The following FNBP1 variants were observed in gnomAD, a reference collection of about 807,000 sequenced individuals.
FNBP1 encodes formin binding protein 1.
FNBP1 carries 26 observed loss-of-function variants against 90.6 expected under a neutral mutation model. The ratio of observed to expected loss-of-function variants is 0.29; its 90% confidence interval spans 0.21 to 0.40. The LOEUF is 0.40. Among genes scored for constraint, FNBP1 ranks in the 10% least tolerant of loss-of-function variants. The pLI, the probability that FNBP1 is intolerant of heterozygous loss-of-function variation, is 1.00. For missense variants in FNBP1, 635 were observed against 768.0 expected (o/e 0.83, Z 2.05); for synonymous variants, 260 against 265.2 (o/e 0.98, Z 0.19).
At chr9:130,051,535 T>C in the FNBP1 span, among the ~76,000 whole-genome samples, 1 of 152,088 alleles carries the variant, frequency 6.6e-6, no homozygotes, top group Admixed American at 6.6e-5. Context: ...GAGAAAATAG[T>C]CCAGGCAGGG....
chr9:129,945,098 T>C (rs995022081), intron 6 of FNBP1, among the ~76,000 whole-genome samples: 2 of 152,176 alleles, frequency 1.3e-5, no homozygotes, highest in African/African-American at 2.4e-5. Flanking sequence ...CATTAACTTA[T>C]AGGCTTGTTA....
rs1280655320 is a variant in FNBP1 at position 129,892,448 on chromosome 9, C to T, written c.1847-1902G>A. Among the ~76,000 whole-genome samples, 3 of 145,182 alleles carry T rather than the reference C, an allele frequency of 2.1e-5. No individual in the cohort carries two copies. In the East Asian group the frequency reaches 6.5e-4, roughly 31 times the overall value. On this transcript the variant is annotated intron_variant, in intron 16 of 16. Coordinates refer to ENST00000446176, the MANE Select transcript of FNBP1 (RefSeq NM_015033.3). ...GTTGACCGGCATTATAAAAATAAAA[C>T]AGCTGCACTGAGTTATGGGCCTAAG...
At chr9:129,903,782 C>T (rs567351094) in intron 12 of FNBP1, among the ~76,000 whole-genome samples, 3 of 152,230 alleles carry the variant, frequency 2.0e-5, no homozygotes, top group Non-Finnish European at 2.9e-5. Flanking sequence ...CCACCTGCCT[C>T]GGCCTCCCAA....
chr9:129,980,283 C>A (rs1229510510), intron 2 of FNBP1, among the ~76,000 whole-genome samples: 3 of 151,022 alleles, frequency 2.0e-5, no homozygotes, highest in Non-Finnish European at 4.4e-5. Context: ...TCGCTTGAAC[C>A]CGGGAGGAGG....
the FNBP1 span, among the ~76,000 whole-genome samples, chr9:130,048,777 C>T: frequency 2.4e-5 from 3 of 126,312 alleles, no homozygotes; most frequent in Admixed American, 2.4e-4. Flanking sequence ...CGCGCCCGGC[C>T]CAGTTTCCTC....
At chr9:129,911,316 G>C (rs972130837) in intron 11 of FNBP1, among the ~76,000 whole-genome samples, 1 of 152,144 alleles carries the variant, frequency 6.6e-6, no homozygotes, top group African/African-American at 2.4e-5. Context: ...CATGAGGATC[G>C]TGCCCCATAC....
At chr9:129,970,575 G>A (rs909649940) in intron 4 of FNBP1, among the ~76,000 whole-genome samples, 7 of 152,112 alleles carry the variant, frequency 4.6e-5, no homozygotes, top group African/African-American at 7.2e-5. Flanking sequence ...GAGGATTTTT[G>A]ATTTATAAGG....
In FNBP1 at chr9:129,887,383, A is replaced by G. The variant is rs1503372; in HGVS notation, c.*3156T>C. On this transcript the variant is annotated 3_prime_UTR_variant, in exon 17 of 17. Transcript: ENST00000446176. Reference sequence around the variant, plus strand: ...GAATTAGTGCAACACACATACGAACATTTTAAAGGTGCTCAACATCAGGTT... The same window carrying G: ...GAATTAGTGCAACACACATACGAACGTTTTAAAGGTGCTCAACATCAGGTT... The G allele has an allele frequency of 0.91, 180,915 of 199,626 alleles. 83,639 individuals are homozygous for G. The highest frequency in any genetic ancestry group is 1 in the East Asian group (12,931 of 12,932). The allele number at this position is 199,626 out of a possible 1,614,324, so 12.4% of individuals were successfully genotyped here. A position where few individuals can be genotyped will look rare whatever the true frequency, so the allele number is the denominator to read the frequency against.
chr9:130,039,210 C>T (rs1018755930), intron 1 of FNBP1, among the ~76,000 whole-genome samples: 2 of 152,184 alleles, frequency 1.3e-5, no homozygotes, highest in Non-Finnish European at 2.9e-5. Context: ...TATGCTTCCA[C>T]GTAGATATCT....
chr9:130,024,325 C>T (rs1404358561), intron 1 of FNBP1, among the ~76,000 whole-genome samples: 6 of 151,684 alleles, frequency 4.0e-5, no homozygotes, highest in Admixed American at 3.3e-4. Context: ...GTAGTGTGCA[C>T]CTGAGTCTTA....
At chr9:129,909,637 T>C (rs112980631) in intron 11 of FNBP1, among the ~76,000 whole-genome samples, 1,915 of 152,170 alleles carry the variant, frequency 0.013, 22 homozygotes, top group Middle Eastern at 0.024. Context: ...TTTTTTTTTT[T>C]CCTTGAGACA....
In FNBP1 at chr9:129,927,453, A is replaced by G. The variant is rs190454571; in HGVS notation, c.643-112T>C. The G allele has an allele frequency of 1.6e-4, 160 of 1,000,182 alleles. No homozygotes were observed. The African/African-American group carries it at 2.4e-3, about 15-fold the overall frequency. 62.0% of individuals were successfully genotyped at this position (1,000,182 alleles called of 1,614,324 possible). A position where few individuals can be genotyped will look rare whatever the true frequency, so the allele number is the denominator to read the frequency against. On this transcript the variant is annotated intron_variant, in intron 7 of 16. Coordinates refer to ENST00000446176, the MANE Select transcript of FNBP1 (RefSeq NM_015033.3). ...GTTCTCTTTGAGGAAAAAATGGGTTAGAGTTAGAGCGGCTCTAAGTACACG... is the reference window on the plus strand; with the variant it reads ...GTTCTCTTTGAGGAAAAAATGGGTTGGAGTTAGAGCGGCTCTAAGTACACG...
intron 9 of FNBP1, among the ~76,000 whole-genome samples, chr9:129,924,242 G>C (rs2041547934): frequency 6.6e-6 from 1 of 152,212 alleles, no homozygotes; most frequent in South Asian, 2.1e-4. Flanking sequence ...AGAAGAGCAA[G>C]AAATATCTGA....
intron 1 of FNBP1, among the ~76,000 whole-genome samples, chr9:130,014,996 C>T (rs1012616586): frequency 2.7e-5 from 4 of 150,036 alleles, no homozygotes; most frequent in African/African-American, 4.9e-5. Flanking sequence ...AAATCCCGGA[C>T]GATTACTGTC....
chr9:129,968,310 G>T (rs1225240748), intron 4 of FNBP1, among the ~76,000 whole-genome samples: 1 of 150,280 alleles, frequency 6.7e-6, no homozygotes, highest in Non-Finnish European at 1.5e-5. Flanking sequence ...CAGGAAAATT[G>T]CTTGACCCTG....
chr9:129,905,958 A>T (rs557351940), intron 12 of FNBP1, among the ~76,000 whole-genome samples: 21 of 150,256 alleles, frequency 1.4e-4, no homozygotes, highest in African/African-American at 4.7e-4. Flanking sequence ...ATCTCAGCTC[A>T]CTGCAACCTC....
intron 1 of FNBP1, among the ~76,000 whole-genome samples, chr9:130,036,873 A>G (rs932888490): frequency 1.3e-5 from 2 of 151,706 alleles, no homozygotes; most frequent in Admixed American, 6.6e-5. Context: ...GTGAAACCCC[A>G]TCTCTACTAA....
Position 129,890,654 on chromosome 9 carries a change from G to A in FNBP1, c.1847-108C>T. The A allele has an allele frequency of 4.9e-6, 3 of 608,530 alleles. No homozygotes were observed. The highest frequency in any genetic ancestry group is 7.8e-5 in the East Asian group (2 of 25,586). 37.7% of individuals were successfully genotyped at this position (608,530 alleles called of 1,614,324 possible). On this transcript the variant is annotated intron_variant, in intron 16 of 16. Coordinates refer to ENST00000446176, the MANE Select transcript of FNBP1 (RefSeq NM_015033.3). This position sits in a 1 kb window ranked among gnomAD's most constrained non-coding sequence, Gnocchi z 5.8. Reference sequence around the variant, plus strand: ...TACAAACTGCACCGCCCTGGGAGGGGAGGGTAGTGGGAGGGGAGGGATGGG... The same window carrying A: ...TACAAACTGCACCGCCCTGGGAGGGAAGGGTAGTGGGAGGGGAGGGATGGG...
At chr9:129,979,987 G>A (rs990706657) in intron 2 of FNBP1, among the ~76,000 whole-genome samples, 6 of 151,826 alleles carry the variant, frequency 4.0e-5, no homozygotes, top group Non-Finnish European at 7.4e-5. Context: ...TTTCTTCTCA[G>A]GCCACCATTC....
Sources: gnomAD v4.1 joint callset for allele counts (sites outside exome capture counted in the v4.1 genomes callset) on GRCh38, gnomAD v4.1.1 for gene constraint, Gnocchi (gnomAD v3.1) non-coding constraint, MANE v1.5 for transcripts, NCBI Gene and HGNC (gene_info 2026-07-23, HGNC 2026-07-21) for gene names.